Variants in STK39 observed in about 807,000 individuals in gnomAD.
The protein encoded by STK39 is serine/threonine kinase 39, also known as STE20/SPS1-related proline-alanine-rich protein kinase.
In STK39, 20 loss-of-function variants were observed where a neutral mutation model predicts 77.8. The ratio of observed to expected loss-of-function variants is 0.26; its 90% CI spans 0.18 to 0.37. The LOEUF is 0.37. STK39 is among the 10% of genes least tolerant of loss of function. The probability of loss-of-function intolerance (pLI) is 1.00; values close to 1 mark genes in which losing one functional copy is unlikely to be tolerated. For synonymous variants in STK39, 246 were observed against 234.1 expected (o/e 1.05, Z -0.47); for missense variants, 479 against 656.5 (o/e 0.73, Z 2.95).
At chr2:168,110,072 T>C (rs1362771805) in intron 10 of STK39, among the ~76,000 whole-genome samples, 2 of 152,232 alleles carry the variant, frequency 1.3e-5, no homozygotes, top group African/African-American at 4.8e-5. Flanking sequence ...TTTTCTTTTA[T>C]AGATAGACCC....
At chr2:168,109,495 T>A (rs1687065919) in intron 10 of STK39, among the ~76,000 whole-genome samples, 1 of 152,222 alleles carries the variant, frequency 6.6e-6, no homozygotes, top group Admixed American at 6.5e-5. Flanking sequence ...TTTTCTTGAG[T>A]TTATACATTG....
chr2:168,244,745 A>T (rs1301164667), intron 1 of STK39, among the ~76,000 whole-genome samples: 3 of 152,194 alleles, frequency 2.0e-5, no homozygotes, highest in Non-Finnish European at 4.4e-5. Context: ...ACACAGGCCA[A>T]CTCTTTCTCT....
chr2:168,111,176 T>C (rs763905789), intron 10 of STK39, among the ~76,000 whole-genome samples: 5 of 152,192 alleles, frequency 3.3e-5, no homozygotes, highest in African/African-American at 2.4e-5. Flanking sequence ...AAAATCTCTG[T>C]TGAAGCTATA....
intron 10 of STK39, among the ~76,000 whole-genome samples, chr2:168,093,138 G>A (rs545548900): frequency 6.3e-4 from 96 of 152,290 alleles, no homozygotes; most frequent in African/African-American, 2.2e-3. Context: ...CAGTCTGTAA[G>A]TCAGAAAGCA....
rs1223438954 is a variant in STK39, at chr2:168,156,367, A to G, written c.628+5420T>C. Among the ~76,000 whole-genome samples, 3 of 152,072 alleles carry G rather than the reference A, an allele frequency of 2.0e-5. No individual in the cohort carries two copies. The East Asian group carries it at 5.8e-4, about 29-fold the overall frequency. ...AAGCTGGAGCTTTATTCCATCAACA[A>G]TGCTTTATTCCATCAACAATGCTTA... is the stretch of plus-strand genomic sequence containing the variant. On this transcript the variant is annotated intron_variant, in intron 5 of 17. Coordinates refer to ENST00000355999, the MANE Select transcript of STK39 (RefSeq NM_013233.3).
rs371098270 is a variant in STK39 at position 168,209,431 on chromosome 2, C to T, written c.209-27341G>A. ...GTGGCTCACGCCTGTAATCCCAGCA[C>T]TTTGGGAGGCGGAGGTGGGCAGATC... On this transcript the variant is annotated intron_variant, in intron 1 of 17. Transcript: ENST00000355999. Among the ~76,000 whole-genome samples, 40 of 150,476 alleles carry T rather than the reference C, an allele frequency of 2.7e-4. 1 individual carries two copies. In the South Asian group the frequency reaches 8.3e-3, roughly 31 times the overall value.
At chr2:168,008,182 C>G (rs1458602925) in intron 16 of STK39, among the ~76,000 whole-genome samples, 1 of 152,120 alleles carries the variant, frequency 6.6e-6, no homozygotes, top group Non-Finnish European at 1.5e-5. Flanking sequence ...GGATCTCTGG[C>G]TGTTGAGATG....
chr2:168,033,433 G>C (rs1206850894), intron 14 of STK39, among the ~76,000 whole-genome samples: 2 of 152,152 alleles, frequency 1.3e-5, no homozygotes, highest in Non-Finnish European at 2.9e-5. Flanking sequence ...GTCAACATTT[G>C]GGATGGTGGG....
chr2:168,207,563 T>A (rs1205775906), intron 1 of STK39, among the ~76,000 whole-genome samples: 2 of 152,198 alleles, frequency 1.3e-5, no homozygotes, highest in African/African-American at 4.8e-5. Context: ...ATACGAAATG[T>A]CAGAGGAGAT....
intron 1 of STK39, among the ~76,000 whole-genome samples, chr2:168,202,568 C>T (rs1340784429): frequency 6.6e-6 from 1 of 152,032 alleles, no homozygotes; most frequent in Non-Finnish European, 1.5e-5. Context: ...AAGCAGGAGA[C>T]ATAACTGCTT....
At chr2:168,219,598 A>G (rs996027068) in intron 1 of STK39, among the ~76,000 whole-genome samples, 1 of 152,098 alleles carries the variant, frequency 6.6e-6, no homozygotes, top group Admixed American at 6.5e-5. Flanking sequence ...AAAAGAAAAC[A>G]TATCTAACCC....
At chr2:168,239,255 G>C (rs1216555395) in intron 1 of STK39, among the ~76,000 whole-genome samples, 2 of 152,192 alleles carry the variant, frequency 1.3e-5, no homozygotes, top group East Asian at 3.8e-4. Flanking sequence ...CAGCAAGAGA[G>C]AGAGATCACT....
rs202080621 is a variant in STK39 at position 168,140,691 on chromosome 2, G to A, written c.696C>T (p.Phe232=). ...DVTRNKVRKT[F]VGTPCWMAPE... ...GAGCCATCCAACATGGGGTGCCAAC[G>A]AATGTTTTTCTTACTTTATTTCGGG... Residue 232 remains phenylalanine (F), a synonymous_variant, in exon 6 of 18, where the codon TTC becomes TTT. Transcript: ENST00000355999. 9.3e-6 allele frequency: 15 copies of A among 1,611,526 alleles called. No homozygotes were observed. The highest frequency in any genetic ancestry group is 6.7e-5 in the African/African-American group (5 of 74,800).
At chr2:168,155,798 T>G (rs1282869419) in intron 5 of STK39, among the ~76,000 whole-genome samples, 1 of 152,206 alleles carries the variant, frequency 6.6e-6, no homozygotes, top group Non-Finnish European at 1.5e-5. Context: ...TCTGCCTCCC[T>G]CCCTGCTAAG....
chr2:168,090,031 T>C (rs752297585), intron 10 of STK39, among the ~76,000 whole-genome samples: 3 of 152,260 alleles, frequency 2.0e-5, no homozygotes, highest in Non-Finnish European at 2.9e-5. Flanking sequence ...TCATGTTTAT[T>C]AATACTCTGC....
In STK39 at chr2:168,054,808, C is replaced by T. The variant is rs190768193; in HGVS notation, c.1376+8692G>A. Among the ~76,000 whole-genome samples, 317 of 151,762 alleles carry T rather than the reference C, an allele frequency of 2.1e-3. 4 individuals are homozygous for T. Among genetic ancestry groups the T allele is most frequent in the African/African-American group, 7.4e-3 (307 of 41,392 alleles). ...AAAAAACTCACACACACACAAAAAA[C>T]AATACCACTGGTTACTATGGGAACA... On this transcript the variant is annotated intron_variant, in intron 14 of 17. Coordinates refer to ENST00000355999, the MANE Select transcript of STK39 (RefSeq NM_013233.3).
At chr2:168,116,372 G>A (rs1336387396) in intron 10 of STK39, among the ~76,000 whole-genome samples, 5 of 152,104 alleles carry the variant, frequency 3.3e-5, no homozygotes, top group African/African-American at 9.7e-5. Flanking sequence ...CTTCTAAATC[G>A]GTATTTGAAT....
intron 16 of STK39, among the ~76,000 whole-genome samples, chr2:167,978,366 T>G (rs1683335029): frequency 6.6e-6 from 1 of 152,004 alleles, no homozygotes; most frequent in South Asian, 2.1e-4. Flanking sequence ...CATCCCAAGG[T>G]TAATGGCCTA....
At chr2:168,084,658 G>A (rs1686322560) in intron 10 of STK39, among the ~76,000 whole-genome samples, 1 of 152,188 alleles carries the variant, frequency 6.6e-6, no homozygotes, top group African/African-American at 2.4e-5. Context: ...TTTCCAGGCA[G>A]CCACTTAAAG....
Sources: allele counts gnomAD v4.1 joint callset (sites outside exome capture counted in the v4.1 genomes callset), GRCh38; gene constraint gnomAD v4.1.1; transcripts MANE v1.5; gene names NCBI Gene and HGNC (gene_info 2026-07-23, HGNC 2026-07-21).